LEPR: variants seen among roughly 807,000 people sequenced by gnomAD.
LEPR encodes leptin receptor.
In LEPR, 56 loss-of-function variants were observed where a neutral mutation model predicts 114.7. The ratio of observed to expected loss-of-function variants is 0.49; its 90% confidence interval spans 0.39 to 0.61. The LOEUF (loss-of-function observed/expected upper bound fraction) is 0.61, where lower values mean the gene tolerates loss of function less well. Ranked by LOEUF, LEPR falls within the 20% of genes least tolerant of loss-of-function variation. The probability of loss-of-function intolerance (pLI) is 0.00; values close to 1 mark genes in which losing one functional copy is unlikely to be tolerated. For synonymous variants in LEPR, 443 were observed against 461.4 expected (o/e 0.96, Z 0.51); for missense variants, 1,202 against 1,352.9 (o/e 0.89, Z 1.75).
intron 14 of LEPR, 32 bp from the exon 15 acceptor site, chr1:65,615,976 C>T (rs751082141): frequency 1.2e-6 from 2 of 1,613,292 alleles, no homozygotes; most frequent in East Asian, 2.2e-5. Flanking sequence ...CACTGCAGCC[C>T]TTAAACTAAT....
intron 2 of LEPR, among the ~76,000 whole-genome samples, chr1:65,502,883 G>T (rs1022293668): frequency 4.0e-5 from 6 of 151,552 alleles, no homozygotes; most frequent in Non-Finnish European, 7.4e-5. Flanking sequence ...GAATGGGGGT[G>T]GGGGAGCTAT....
chr1:65,575,630 CAA>C (rs1187730992), intron 5 of LEPR, among the ~76,000 whole-genome samples: 3 of 150,612 alleles, frequency 2.0e-5, no homozygotes, highest in Non-Finnish European at 4.4e-5. Context: ...ACATACTAAA[CAA>C]ATGATAAGTT....
At chr1:65,544,597 T>A (rs910915939) in intron 2 of LEPR, among the ~76,000 whole-genome samples, 1 of 151,860 alleles carries the variant, frequency 6.6e-6, no homozygotes, top group Non-Finnish European at 1.5e-5. Context: ...CTCTTATTAT[T>A]TTTAGATATG....
At chr1:65,558,024 G>A (rs7418057) in intron 2 of LEPR, among the ~76,000 whole-genome samples, 72,027 of 151,830 alleles carry the variant, frequency 0.47, 17,730 homozygotes, top group Middle Eastern at 0.62. Flanking sequence ...GACCAGGTGA[G>A]TTAAAAACAA....
At chr1:65,423,700 T>C (rs910294400) in intron 1 of LEPR, among the ~76,000 whole-genome samples, 1 of 152,232 alleles carries the variant, frequency 6.6e-6, no homozygotes, top group African/African-American at 2.4e-5. Context: ...AAAAGCACTT[T>C]GGCACCTTCC....
chr1:65,441,298 AG>A (rs59255837), intron 2 of LEPR, among the ~76,000 whole-genome samples: 21,056 of 152,068 alleles, frequency 0.14, 1,510 homozygotes, highest in South Asian at 0.23. Flanking sequence ...ATTTAGCAGA[AG>A]GGGTGGGGAG....
chr1:65,452,074 CTGTT>C (rs1429202865), intron 2 of LEPR, among the ~76,000 whole-genome samples: 25 of 151,832 alleles, frequency 1.6e-4, no homozygotes, highest in African/African-American at 5.6e-4. Context: ...ATTTGGCTGT[CTGTT>C]TGTCTGTTAT....
chr1:65,499,365 A>G (rs1212504981), intron 2 of LEPR, among the ~76,000 whole-genome samples: 1 of 152,062 alleles, frequency 6.6e-6, no homozygotes, highest in African/African-American at 2.4e-5. Flanking sequence ...AAATATGTAA[A>G]GCCTCATTTA....
chr1:65,433,405 C>T (rs1646515430), intron 2 of LEPR: 1 of 985,284 alleles, frequency 1.0e-6, no homozygotes, highest in Non-Finnish European at 1.2e-6. Context: ...GTTTTCCCTG[C>T]TCACCTTTTT....
chr1:65,508,960 ATT>A (rs1648894156), intron 2 of LEPR, among the ~76,000 whole-genome samples: 1 of 151,554 alleles, frequency 6.6e-6, no homozygotes, highest in South Asian at 2.1e-4. Context: ...TGTAAATGGG[ATT>A]GTTTTCCTCG....
intron 2 of LEPR, 137 bp from the exon 3 acceptor site, chr1:65,565,409 A>T (rs2100782831): frequency 1.3e-6 from 1 of 771,002 alleles, no homozygotes; most frequent in East Asian, 2.7e-5. Flanking sequence ...GATATTTCTC[A>T]GATATTGATC....
intron 2 of LEPR, among the ~76,000 whole-genome samples, chr1:65,492,299 G>A (rs1362700593): frequency 6.6e-6 from 1 of 151,916 alleles, no homozygotes; most frequent in Non-Finnish European, 1.5e-5. Flanking sequence ...AATATTTTTT[G>A]TTTGTTTTTA....
At chr1:65,460,778 G>T (rs1404127634) in intron 2 of LEPR, among the ~76,000 whole-genome samples, 1 of 151,832 alleles carries the variant, frequency 6.6e-6, no homozygotes, top group East Asian at 2.0e-4. Flanking sequence ...GGAGACTGAG[G>T]TTGCAGTGAG....
intron 2 of LEPR, among the ~76,000 whole-genome samples, chr1:65,453,789 CTATT>C (rs1646823831): frequency 6.6e-6 from 1 of 152,102 alleles, no homozygotes; most frequent in African/African-American, 2.4e-5. Context: ...TGTTAGATGT[CTATT>C]AGGTCCGCTT....
chr1:65,614,729 A>G (rs1258531578), intron 14 of LEPR, among the ~76,000 whole-genome samples: 1 of 152,222 alleles, frequency 6.6e-6, no homozygotes, highest in Non-Finnish European at 1.5e-5. Context: ...ACTTATATCT[A>G]GCTTAATATA....
intron 15 of LEPR, 32 bp downstream of exon 15, chr1:65,616,256 C>A (rs368664483): frequency 6.2e-7 from 1 of 1,600,706 alleles, no homozygotes; most frequent in Non-Finnish European, 8.5e-7. Flanking sequence ...TAATCCATTG[C>A]CTCTTTTAAT....
intron 2 of LEPR, chr1:65,434,933 A>G: frequency 1.0e-6 from 1 of 985,526 alleles, no homozygotes; most frequent in Non-Finnish European, 1.2e-6. Context: ...CCTTGTGATT[A>G]TCTTCTCCAC....
At chr1:65,576,815 T>A (rs565356072) in intron 5 of LEPR, 1 of 253,950 alleles carries the variant, frequency 3.9e-6, no homozygotes, top group Admixed American at 4.1e-5. Flanking sequence ...AAATGTGTCC[T>A]ACTGTAGAGC....
At chr1:65,525,683 C>A in intron 2 of LEPR, 1 of 985,636 alleles carries the variant, frequency 1.0e-6, no homozygotes, top group Non-Finnish European at 1.2e-6. Flanking sequence ...CTGAGAGTTG[C>A]CCCGCACCTT....
Sources: gnomAD v4.1 joint callset for allele counts (sites outside exome capture counted in the v4.1 genomes callset) on GRCh38, gnomAD v4.1.1 for gene constraint, MANE v1.5 for transcripts, NCBI Gene and HGNC (gene_info 2026-07-23, HGNC 2026-07-21) for gene names.